Variants in DOCK7 observed in about 807,000 individuals in gnomAD.
DOCK7 encodes the protein dedicator of cytokinesis 7.
A neutral mutation model predicts 271.0 loss-of-function variants in DOCK7; 138 were observed. That is an observed-to-expected ratio of 0.51 (90% CI 0.44 to 0.59). The LOEUF is 0.59. Among genes scored for constraint, DOCK7 ranks in the 20% least tolerant of loss-of-function variants. DOCK7 has a pLI of 0.00. For synonymous variants in DOCK7, 823 were observed against 876.1 expected, an observed-to-expected ratio of 0.94 and a Z score of 1.07; for missense variants, 2,066 against 2,592.4, an observed-to-expected ratio of 0.80 and a Z score of 4.41.
At chr1:62,668,727 T>C (rs947448573) in intron 1 of DOCK7, among the ~76,000 whole-genome samples, 4 of 151,826 alleles carry the variant, frequency 2.6e-5, no homozygotes, top group African/African-American at 9.7e-5. Context: ...ACTCTGTCTC[T>C]ACTAAAAATA....
intron 14 of DOCK7, chr1:62,605,110 C>T (rs564837147): frequency 6.8e-4 from 174 of 256,270 alleles, no homozygotes; most frequent in Admixed American, 2.0e-3. Flanking sequence ...TATTAAATAA[C>T]TTTTCTAAAT....
chr1:62,585,134 A>C (rs1463058527), intron 15 of DOCK7, among the ~76,000 whole-genome samples: 2 of 152,180 alleles, frequency 1.3e-5, no homozygotes, highest in African/African-American at 2.4e-5. Flanking sequence ...TAAATTCTAC[A>C]ATTATTCAAC....
intron 11 of DOCK7, chr1:62,629,250 A>G (rs1356986138): frequency 1.3e-5 from 2 of 152,200 alleles, no homozygotes; most frequent in Admixed American, 1.3e-4. Context: ...ATATATCTAC[A>G]TATCTAAGGA....
At chr1:62,508,098 G>GA in intron 34 of DOCK7, 40 bp from the exon 35 acceptor site, 1 of 1,526,162 alleles carries the variant, frequency 6.6e-7, no homozygotes, top group Middle Eastern at 1.8e-4. Flanking sequence ...TTATCTTTTT[G>GA]AAAACTACAA....
At chr1:62,543,845 T>C in intron 23 of DOCK7, 100 bp from the exon 24 acceptor site, 3 of 800,790 alleles carry the variant, frequency 3.7e-6, no homozygotes, top group Non-Finnish European at 5.8e-6. Context: ...CAGAGTTTTA[T>C]TATGGTTTCA....
intron 7 of DOCK7, among the ~76,000 whole-genome samples, chr1:62,638,140 T>A (rs906530133): frequency 6.6e-6 from 1 of 152,186 alleles, no homozygotes; most frequent in Non-Finnish European, 1.5e-5. Context: ...TATTTTCGGT[T>A]GGCCCATTTT....
chr1:62,608,294 A>G (rs1651295374), intron 14 of DOCK7: 1 of 152,098 alleles, frequency 6.6e-6, no homozygotes, highest in African/African-American at 2.4e-5. Flanking sequence ...CTGGCCCCAA[A>G]TTACCTCTTC....
chr1:62,567,320 G>A (rs545972992), intron 18 of DOCK7, among the ~76,000 whole-genome samples: 3 of 152,302 alleles, frequency 2.0e-5, no homozygotes, highest in African/African-American at 7.2e-5. Flanking sequence ...ATGATAGACT[G>A]GAGAAAGAAA....
chr1:62,526,484 C>A (rs773137884), intron 31 of DOCK7, among the ~76,000 whole-genome samples: 1 of 150,934 alleles, frequency 6.6e-6, no homozygotes, highest in Non-Finnish European at 1.5e-5. Flanking sequence ...AAAAACAGTA[C>A]AGCCACATTA....
At chr1:62,533,383 G>A (rs1645238172) in intron 29 of DOCK7, among the ~76,000 whole-genome samples, 1 of 151,934 alleles carries the variant, frequency 6.6e-6, no homozygotes, top group Non-Finnish European at 1.5e-5. Flanking sequence ...AAGCTAGTAT[G>A]TTTAGGTAAG....
chr1:62,528,303 T>A lies in DOCK7; in HGVS notation c.3784A>T (p.Thr1262Ser), dbSNP rs1645075191. The part of the protein sequence containing the change: ...TVPQLYDFTE[T>S]HNQRGRPICI... ...ATTGGTCTTCCTCGTTGATTGTGAG[T>A]TTCTAAAGAAAAATAATCCAAAAAA... The change falls in exon 31 of 50, where the codon ACT becomes TCT. Residue 1262 changes from threonine to serine, a missense_variant and splice_region_variant. Thr to Ser is a moderately conservative substitution (Grantham distance 58). Transcript: ENST00000635253. 6.2e-7 allele frequency: 1 copy of A among 1,607,402 alleles called. No individual in the cohort carries two copies. The highest frequency in any genetic ancestry group is 8.5e-7 in the Non-Finnish European group (1 of 1,177,172).
At chr1:62,585,311 C>T (rs1647368209) in intron 15 of DOCK7, among the ~76,000 whole-genome samples, 1 of 151,984 alleles carries the variant, frequency 6.6e-6, no homozygotes, top group African/African-American at 2.4e-5. Context: ...TGTGGAAAAT[C>T]AGAAGAACTT....
At chr1:62,465,732 A>C (rs185843045) in intron 48 of DOCK7, among the ~76,000 whole-genome samples, 2 of 152,148 alleles carry the variant, frequency 1.3e-5, no homozygotes, top group South Asian at 2.1e-4. Context: ...TTGTATTTTT[A>C]GTAGAGATGG....
At chr1:62,572,768 G>A (rs140131274) in intron 18 of DOCK7, among the ~76,000 whole-genome samples, 45 of 152,264 alleles carry the variant, frequency 3.0e-4, no homozygotes, top group Non-Finnish European at 5.0e-4. Context: ...ATCACATTGA[G>A]GGTTAGGCTT....
intron 31 of DOCK7, among the ~76,000 whole-genome samples, chr1:62,527,274 A>C (rs1645037923): frequency 6.6e-6 from 1 of 152,166 alleles, no homozygotes; most frequent in African/African-American, 2.4e-5. Context: ...AAAAAGTATA[A>C]ATATTCACAG....
At position 62,648,369 on chromosome 1, in the gene DOCK7, T is replaced by C. The variant is rs778145905; in HGVS notation, c.519+46A>G. 12 of 1,433,914 alleles carry C rather than the reference T, an allele frequency of 8.4e-6. No individual in the cohort carries two copies. The South Asian group carries it at 2.0e-4, about 24-fold the overall frequency. The allele number at this position is 1,433,914 out of a possible 1,614,324, so 88.8% of individuals were successfully genotyped here. A position where few individuals can be genotyped will look rare whatever the true frequency, so the allele number is the denominator to read the frequency against. ...ATATATTAATTAATAAATTGACAAC[T>C]ATTTTTAAATAACTTCTTATAGTTA... On this transcript the variant is annotated intron_variant, in intron 5 of 49. Transcript: ENST00000635253.
chr1:62,546,957 TAAC>T (rs1474705833), intron 22 of DOCK7, among the ~76,000 whole-genome samples: 1 of 152,120 alleles, frequency 6.6e-6, no homozygotes, highest in Admixed American at 6.6e-5. Flanking sequence ...GTTACAAAAA[TAAC>T]AAAACATGAG....
At chr1:62,579,136 A>G (rs933671236) in intron 16 of DOCK7, among the ~76,000 whole-genome samples, 170 bp from the exon 17 acceptor site, 3 of 152,182 alleles carry the variant, frequency 2.0e-5, no homozygotes, top group Non-Finnish European at 2.9e-5. Flanking sequence ...TTACTTCCAT[A>G]TAAGAGAGCT....
At chr1:62,478,356 AC>A (rs1646024824) in intron 43 of DOCK7, 1 of 152,170 alleles carries the variant, frequency 6.6e-6, no homozygotes, top group South Asian at 2.1e-4. Context: ...AAATGTCAAG[AC>A]CCTCCAGAAG....
Sources: allele counts gnomAD v4.1 joint callset (sites outside exome capture counted in the v4.1 genomes callset), GRCh38; gene constraint gnomAD v4.1.1; transcripts MANE v1.5; gene names NCBI Gene and HGNC (gene_info 2026-07-23, HGNC 2026-07-21).